CEP85L: variants seen among roughly 807,000 people sequenced by gnomAD.
CEP85L encodes the protein centrosomal protein 85L, also known as centrosomal protein of 85 kDa-like.
Under a neutral mutation model 100.3 loss-of-function variants are expected in CEP85L, and 60 were observed. That is an observed-to-expected ratio of 0.60 (90% confidence interval 0.49 to 0.74). The LOEUF is 0.74. Ranked by LOEUF, CEP85L falls within the 30% of genes least tolerant of loss-of-function variation. CEP85L has a pLI of 0.00. For missense variants in CEP85L, 973 were observed against 936.2 expected (o/e 1.04, Z -0.51); for synonymous variants, 319 against 322.7 (o/e 0.99, Z 0.12).
chr6:118,657,110 A>G (rs1258136157), upstream of CEP85L: 5 of 152,264 alleles, frequency 3.3e-5, no homozygotes, highest in Non-Finnish European at 1.5e-5. Flanking sequence ...CAGAAAAGCC[A>G]ACTGACACAT....
intron 3 of CEP85L, chr6:118,560,681 T>C (rs1228966867): frequency 6.0e-6 from 1 of 166,784 alleles, no homozygotes. Flanking sequence ...CTGAGCTAAA[T>C]TATAGATCCA....
At chr6:118,696,062 C>T (rs183357721) in intron 1 of CEP85L, among the ~76,000 whole-genome samples, 45 of 152,070 alleles carry the variant, frequency 3.0e-4, no homozygotes, top group Admixed American at 6.5e-4. Context: ...CCTGAGGTCA[C>T]GAGTTCGAGA....
At position 118,570,779 on chromosome 6, in the gene CEP85L, C is replaced by G. The variant is rs1231522995; in HGVS notation, c.233-4463G>C. Among the ~76,000 whole-genome samples, 5 of 152,070 alleles carry G rather than the reference C, an allele frequency of 3.3e-5. 1 individual carries two copies. Among genetic ancestry groups the G allele is most frequent in the African/African-American group, 1.2e-4 (5 of 41,412 alleles). On this transcript the variant is annotated intron_variant, in intron 2 of 12. Transcript: ENST00000368491. ...ATGGGTCTGATTCCAGTTCTGAAGG[C>G]TTTAAGCTTAAATATCCCAAGTTCA...
At chr6:118,655,443 T>G (rs1266842647), upstream of CEP85L, among the ~76,000 whole-genome samples, 1 of 152,232 alleles carries the variant, frequency 6.6e-6, no homozygotes, top group East Asian at 1.9e-4. Context: ...GAACTTATTA[T>G]GGTAACCACC....
chr6:118,558,293 A>G (rs184220066), intron 3 of CEP85L, among the ~76,000 whole-genome samples: 16 of 152,206 alleles, frequency 1.1e-4, no homozygotes, highest in Admixed American at 2.6e-4. Flanking sequence ...TACATAGTTC[A>G]TATTTCTCTC....
chr6:118,596,360 T>C (rs1781457853), intron 2 of CEP85L, among the ~76,000 whole-genome samples: 1 of 152,174 alleles, frequency 6.6e-6, no homozygotes, highest in East Asian at 1.9e-4. Flanking sequence ...TTTTCCTGAG[T>C]GCTTTACAAT....
chr6:118,701,278 G>A (rs1301853160), intron 1 of CEP85L, among the ~76,000 whole-genome samples: 1 of 152,102 alleles, frequency 6.6e-6, no homozygotes, highest in Non-Finnish European at 1.5e-5. Context: ...CCATTACAGG[G>A]TATATATCCG....
intron 1 of CEP85L, among the ~76,000 whole-genome samples, chr6:118,680,509 G>T (rs1363936396): frequency 1.3e-5 from 2 of 152,084 alleles, no homozygotes; most frequent in African/African-American, 4.8e-5. Flanking sequence ...TCAGAACTAG[G>T]TGGCAGGTAA....
At chr6:118,526,548 A>C (rs1776974433) in intron 3 of CEP85L, among the ~76,000 whole-genome samples, 1 of 152,204 alleles carries the variant, frequency 6.6e-6, no homozygotes, top group African/African-American at 2.4e-5. Context: ...ACCTGATCTT[A>C]AGGACCACAT....
At chr6:118,699,827 G>A (rs748346596) in intron 1 of CEP85L, among the ~76,000 whole-genome samples, 6 of 151,908 alleles carry the variant, frequency 3.9e-5, no homozygotes, top group African/African-American at 1.2e-4. Flanking sequence ...CCCGAGTAGC[G>A]GGGACTACAG....
chr6:118,540,754 TTAAATAAATAAATAAATAAA>T (rs72219779), intron 3 of CEP85L, among the ~76,000 whole-genome samples: 28 of 147,722 alleles, frequency 1.9e-4, no homozygotes, highest in African/African-American at 6.0e-4. Context: ...AGACCCCATC[TTAAATAAATAAATAAATAAA>T]TAAATAAATA....
Position 118,463,984 on chromosome 6 carries a change from C to CA in CEP85L, c.*1420dup, listed in dbSNP as rs530072253. Reference sequence around the variant, plus strand: ...GCCCTTTATCTGGCAAGAAAACAGGCATGTGATATGCTCTTTATCAAATCA... The same window carrying CA: ...GCCCTTTATCTGGCAAGAAAACAGGCAATGTGATATGCTCTTTATCAAATCA... On this transcript the variant is annotated 3_prime_UTR_variant, in exon 13 of 13. Transcript: ENST00000368491. 1.1e-4 allele frequency: 16 copies of CA among 152,206 alleles called. No individual in the cohort carries two copies. In the South Asian group the frequency reaches 2.5e-3, roughly 24 times the overall value. 9.4% of individuals were successfully genotyped at this position (152,206 alleles called of 1,614,324 possible).
At chr6:118,689,482 A>T (rs779169043) in intron 1 of CEP85L, among the ~76,000 whole-genome samples, 7 of 152,172 alleles carry the variant, frequency 4.6e-5, no homozygotes, top group Non-Finnish European at 1.0e-4. Flanking sequence ...AGAGATGGGG[A>T]ATTCTTTTTA....
chr6:118,509,898 G>A (rs988222678), intron 5 of CEP85L, among the ~76,000 whole-genome samples: 15 of 152,048 alleles, frequency 9.9e-5, no homozygotes, highest in African/African-American at 3.4e-4. Flanking sequence ...AGCCATTCCA[G>A]TCATATAAAT....
intron 4 of CEP85L, among the ~76,000 whole-genome samples, chr6:118,514,435 G>T (rs1776145064): frequency 6.7e-6 from 1 of 149,250 alleles, no homozygotes; most frequent in African/African-American, 2.5e-5. Context: ...TGAGGCAGGA[G>T]AATGGCTTGA....
intron 1 of CEP85L, among the ~76,000 whole-genome samples, chr6:118,637,261 C>T (rs1244364607): frequency 6.6e-6 from 1 of 152,176 alleles, no homozygotes; most frequent in Non-Finnish European, 1.5e-5. Flanking sequence ...CAGAGCAGTA[C>T]ATACATACTT....
At chr6:118,532,960 C>T (rs1692898998) in intron 3 of CEP85L, among the ~76,000 whole-genome samples, 1 of 151,914 alleles carries the variant, frequency 6.6e-6, no homozygotes, top group Non-Finnish European at 1.5e-5. Context: ...GTTTAACTGA[C>T]TGAAAATGAA....
intron 1 of CEP85L, among the ~76,000 whole-genome samples, chr6:118,648,391 T>C (rs1392167150): frequency 6.6e-6 from 1 of 152,182 alleles, no homozygotes. Context: ...ACTACACTTA[T>C]TATTCCTATT....
chr6:118,683,906 C>T (rs1274470702), intron 1 of CEP85L, among the ~76,000 whole-genome samples: 2 of 152,172 alleles, frequency 1.3e-5, no homozygotes, highest in East Asian at 3.8e-4. Flanking sequence ...ATGCAGGACA[C>T]AGAGTTGCTC....
Sources: allele counts gnomAD v4.1 joint callset (sites outside exome capture counted in the v4.1 genomes callset), GRCh38; gene constraint gnomAD v4.1.1; transcripts MANE v1.5; gene names NCBI Gene and HGNC (gene_info 2026-07-23, HGNC 2026-07-21).